TSNARE1: variants seen among roughly 807,000 people sequenced by gnomAD.
TSNARE1 encodes t-SNARE domain-containing protein 1.
Under a neutral mutation model 62.0 loss-of-function variants are expected in TSNARE1, and 49 were observed. That is an observed-to-expected ratio of 0.79 (90% CI 0.63 to 1.00). The LOEUF (loss-of-function observed/expected upper bound fraction) is 1.00. Among genes scored for constraint, TSNARE1 ranks in the 50% least tolerant of loss-of-function variants. The pLI, the probability that TSNARE1 is intolerant of heterozygous loss-of-function variation, is 0.00. For missense variants in TSNARE1, 755 were observed against 700.1 expected, an observed-to-expected ratio of 1.08 and a Z score of -0.88; for synonymous variants, 328 against 294.4, an observed-to-expected ratio of 1.11 and a Z score of -1.17.
chr8:142,277,645 C>T (rs565220640), intron 11 of TSNARE1: 5 of 985,448 alleles, frequency 5.1e-6, no homozygotes, highest in Middle Eastern at 5.2e-4. Context: ...GAATTCAACA[C>T]GTCAGTTGCT....
At chr8:142,264,296 G>A (rs1819031258) in intron 12 of TSNARE1, among the ~76,000 whole-genome samples, 1 of 152,186 alleles carries the variant, frequency 6.6e-6, no homozygotes, top group Non-Finnish European at 1.5e-5. Flanking sequence ...AGTGATTGAA[G>A]TGTTCTACAC....
chr8:142,227,718 G>A (rs770897481), intron 13 of TSNARE1, among the ~76,000 whole-genome samples: 4 of 152,256 alleles, frequency 2.6e-5, no homozygotes, highest in Non-Finnish European at 4.4e-5. Flanking sequence ...CCAGGGATGC[G>A]AAACAACATC....
intron 12 of TSNARE1, among the ~76,000 whole-genome samples, chr8:142,243,472 C>A (rs1464164049): frequency 6.6e-6 from 1 of 152,024 alleles, no homozygotes; most frequent in Non-Finnish European, 1.5e-5. Flanking sequence ...TGGAAGACAT[C>A]ATGCTTAAGT....
chr8:142,270,120 T>C, intron 12 of TSNARE1: 1 of 985,382 alleles, frequency 1.0e-6, no homozygotes, highest in Non-Finnish European at 1.2e-6. Context: ...CCCGGGCTGG[T>C]CCCACCTCCC....
At chr8:142,244,492 T>C (rs1817795920) in intron 12 of TSNARE1, among the ~76,000 whole-genome samples, 1 of 152,200 alleles carries the variant, frequency 6.6e-6, no homozygotes, top group Non-Finnish European at 1.5e-5. Flanking sequence ...CAGAGTGATA[T>C]ACTATGTTCA....
chr8:142,397,899 G>C (rs1224849405), intron 1 of TSNARE1, among the ~76,000 whole-genome samples: 2 of 152,144 alleles, frequency 1.3e-5, no homozygotes, highest in African/African-American at 4.8e-5. Context: ...CAGGCCCTCG[G>C]TGTGGCACTG....
At chr8:142,288,842 C>T (rs1307181657) in intron 10 of TSNARE1, among the ~76,000 whole-genome samples, 1 of 152,276 alleles carries the variant, frequency 6.6e-6, no homozygotes, top group Non-Finnish European at 1.5e-5. Flanking sequence ...GACACACAGA[C>T]TCCAAGCCTT....
intron 12 of TSNARE1, among the ~76,000 whole-genome samples, chr8:142,245,010 A>G (rs749582624): frequency 1.3e-5 from 2 of 152,274 alleles, no homozygotes; most frequent in Non-Finnish European, 2.9e-5. Flanking sequence ...TCCAATTTTG[A>G]AAATGGGCAA....
chr8:142,359,132 C>A (rs956258459), intron 1 of TSNARE1, among the ~76,000 whole-genome samples: 3 of 152,156 alleles, frequency 2.0e-5, no homozygotes, highest in Admixed American at 6.5e-5. Flanking sequence ...CCTGCTCCTC[C>A]ACCCCGCAAC....
intron 9 of TSNARE1, among the ~76,000 whole-genome samples, chr8:142,304,279 C>T (rs2131387034): frequency 6.6e-6 from 1 of 152,216 alleles, no homozygotes; most frequent in East Asian, 1.9e-4. Flanking sequence ...GCAACCCCAA[C>T]GCCTCCTTCC....
intron 1 of TSNARE1, among the ~76,000 whole-genome samples, chr8:142,385,143 C>G (rs1837028066): frequency 6.6e-6 from 1 of 151,958 alleles, no homozygotes. Flanking sequence ...CAGGCAGGCA[C>G]TTATAAAGGG....
At chr8:142,358,251 C>T (rs1298524718) in intron 1 of TSNARE1, among the ~76,000 whole-genome samples, 3 of 113,902 alleles carry the variant, frequency 2.6e-5, no homozygotes, top group Non-Finnish European at 5.0e-5. Flanking sequence ...CTGCAAAGGG[C>T]GGCGGGGTCT....
At chr8:142,308,838 C>T (rs1423253888) in intron 9 of TSNARE1, among the ~76,000 whole-genome samples, 1 of 152,146 alleles carries the variant, frequency 6.6e-6, no homozygotes, top group Non-Finnish European at 1.5e-5. Context: ...TGTATTGAGC[C>T]TACAGATTCA....
intron 10 of TSNARE1, among the ~76,000 whole-genome samples, chr8:142,297,426 C>A (rs1824954712): frequency 1.3e-5 from 2 of 152,238 alleles, no homozygotes; most frequent in Admixed American, 6.5e-5. Flanking sequence ...CCCCACTAGC[C>A]ACCTAGTAAG....
Position 142,345,823 on chromosome 8 carries a change from T to C in TSNARE1, c.158A>G (p.Gln53Arg), listed in dbSNP as rs1833281784. ...FPCPSPESKL[Q>R]NRCVGKDGEG... ...CCCGTCCTTCCCCACACAGCGGTTC[T>C]GCAGCTTGCTCTCTGGCGACGGGCA... Residue 53 changes from glutamine to arginine, a missense_variant, in exon 3 of 14, where the codon CAG becomes CGG. Gln to Arg is a conservative substitution (Grantham distance 43). Coordinates refer to ENST00000524325, the MANE Select transcript of TSNARE1 (RefSeq NM_145003.5). 6.2e-7 allele frequency: 1 copy of C among 1,614,000 alleles called. No individual in the cohort carries two copies. The highest frequency in any genetic ancestry group is 1.1e-5 in the South Asian group (1 of 91,064).
intron 13 of TSNARE1, among the ~76,000 whole-genome samples, chr8:142,214,122 C>G (rs1815712701): frequency 6.6e-6 from 1 of 152,192 alleles, no homozygotes; most frequent in Admixed American, 6.5e-5. Context: ...CAGGGACTGG[C>G]CGACTCTGAC....
intron 9 of TSNARE1, 34 bp downstream of exon 9, chr8:142,314,350 C>T: frequency 1.2e-6 from 2 of 1,602,554 alleles, no homozygotes; most frequent in Non-Finnish European, 1.7e-6. Context: ...TGTCCCCTAA[C>T]AGCCACTGAC....
At position 142,331,028 on chromosome 8, in the gene TSNARE1, C is replaced by T. The variant is rs114761444; in HGVS notation, c.824-58G>A. 8.5e-4 allele frequency: 1,298 copies of T among 1,526,272 alleles called. 15 individuals carry two copies. In the African/African-American group the frequency reaches 0.015, roughly 18 times the overall value. The allele number at this position is 1,526,272 out of a possible 1,614,324, so 94.5% of individuals were successfully genotyped here. A position where few individuals can be genotyped will look rare whatever the true frequency, so the allele number is the denominator to read the frequency against. On this transcript the variant is annotated intron_variant, in intron 5 of 13. Transcript: ENST00000524325. ...GAAGGAGCTTCCCTGCCCCCTGCTA[C>T]TCCATATGGGTGGCCCCACTGCAGC...
At chr8:142,232,387 C>T (rs1004742570) in intron 12 of TSNARE1, among the ~76,000 whole-genome samples, 2 of 152,222 alleles carry the variant, frequency 1.3e-5, no homozygotes, top group Admixed American at 6.5e-5. Flanking sequence ...GTTGGCCAAC[C>T]GAGGGCCTCC....
Sources: allele counts gnomAD v4.1 joint callset (sites outside exome capture counted in the v4.1 genomes callset), GRCh38; gene constraint gnomAD v4.1.1; transcripts MANE v1.5; gene names NCBI Gene and HGNC (gene_info 2026-07-23, HGNC 2026-07-21).